PLEKHS1: variants seen among roughly 807,000 people sequenced by gnomAD.
PLEKHS1 encodes pleckstrin homology domain-containing family S member 1.
A neutral mutation model predicts 51.0 loss-of-function variants in PLEKHS1; 55 were observed. The ratio of observed to expected loss-of-function variants is 1.08; its 90% confidence interval spans 0.87 to 1.35. The LOEUF (loss-of-function observed/expected upper bound fraction) is 1.35. Among genes scored for constraint, PLEKHS1 ranks in the 40% most tolerant of loss-of-function variants. The probability of loss-of-function intolerance (pLI) is 0.00; values close to 1 mark genes in which losing one functional copy is unlikely to be tolerated. For missense variants in PLEKHS1, 398 were observed against 423.0 expected, an observed-to-expected ratio of 0.94 and a Z score of 0.52; for synonymous variants, 153 against 144.8, an observed-to-expected ratio of 1.06 and a Z score of -0.41.
At chr10:113,775,974 C>CA in intron 11 of PLEKHS1, 108 bp downstream of exon 11, 1 of 775,768 alleles carries the variant, frequency 1.3e-6, no homozygotes, top group Non-Finnish European at 2.0e-6. Flanking sequence ...AGGTTTGGGG[C>CA]GGGGGAGCTT....
In PLEKHS1 at chr10:113,765,235, T is replaced by C. The variant is rs182913165; in HGVS notation, c.29-1176T>C. The C allele has an allele frequency of 1.3e-3, 697 of 526,436 alleles. 8 individuals carry two copies. The East Asian group carries it at 0.017, about 13-fold the overall frequency. 32.6% of individuals were successfully genotyped at this position (526,436 alleles called of 1,614,324 possible). A position where few individuals can be genotyped will look rare whatever the true frequency, so the allele number is the denominator to read the frequency against. ...AAATTTTTTGGGAACAACTTTCTTC[T>C]AAGTCTTTCATGATTTTTTAGGTGG... On this transcript the variant is annotated intron_variant, in intron 2 of 11. Transcript: ENST00000361048.
At chr10:113,780,224 A>C (rs1844824841) in intron 11 of PLEKHS1, among the ~76,000 whole-genome samples, 1 of 152,126 alleles carries the variant, frequency 6.6e-6, no homozygotes, top group Admixed American at 6.5e-5. Context: ...GTTGCAGGAG[A>C]AACTGATCAA....
chr10:113,765,430 G>A (rs1844118661), intron 2 of PLEKHS1: 1 of 778,732 alleles, frequency 1.3e-6, no homozygotes, highest in Middle Eastern at 2.3e-4. Context: ...GTATTTTAAT[G>A]GTTCTTTCTC....
intron 11 of PLEKHS1, 38 bp downstream of exon 11, chr10:113,775,904 G>T (rs770494594): frequency 6.9e-7 from 1 of 1,458,224 alleles, no homozygotes; most frequent in Admixed American, 1.8e-5. Flanking sequence ...TTATAAATGG[G>T]GCTGGAAGCT....
intron 11 of PLEKHS1, 118 bp from the exon 12 acceptor site, chr10:113,777,006 G>A: frequency 1.7e-6 from 2 of 1,159,322 alleles, no homozygotes; most frequent in Admixed American, 2.3e-5. Flanking sequence ...CTAAACAGAA[G>A]GAGATAGTCT....
At chr10:113,774,887 C>T (rs1196129138) in exon 10 of PLEKHS1, 1 of 1,614,140 alleles carries the variant, frequency 6.2e-7, no homozygotes, top group Non-Finnish European at 8.5e-7. Context: ...CCAGACCCTT[C>T]CAGAGACCCA....
chr10:113,757,983 G>T (rs1364200537), intron 2 of PLEKHS1, among the ~76,000 whole-genome samples: 2 of 152,094 alleles, frequency 1.3e-5, no homozygotes, highest in African/African-American at 4.8e-5. Flanking sequence ...ACATCTTCAG[G>T]GTTCACTTCT....
exon 12 of PLEKHS1, chr10:113,780,973 T>C (rs1184052140): frequency 8.4e-6 from 5 of 594,524 alleles, no homozygotes; most frequent in African/African-American, 1.9e-5. Context: ...TGTGGCATGA[T>C]TGGAGAACCT....
At chr10:113,768,794 A>G in intron 5 of PLEKHS1, 21 bp from the exon 6 acceptor site, 1 of 1,602,304 alleles carries the variant, frequency 6.2e-7, no homozygotes, top group African/African-American at 1.3e-5. Flanking sequence ...ATGCCAACTG[A>G]AAGTTTATTC....
intron 1 of PLEKHS1, among the ~76,000 whole-genome samples, chr10:113,754,717 C>T (rs576561998): frequency 2.0e-5 from 3 of 152,116 alleles, no homozygotes; most frequent in East Asian, 1.9e-4. Flanking sequence ...AACTCCTGAC[C>T]TCATGATCTA....
chr10:113,778,708 A>C (rs1266054717), intron 11 of PLEKHS1, among the ~76,000 whole-genome samples: 3 of 147,956 alleles, frequency 2.0e-5, no homozygotes, highest in Non-Finnish European at 3.0e-5. Flanking sequence ...CAGTGGCGCA[A>C]ACTCGGCTCA....
At chr10:113,766,643 CAAAGGCTGGGGA>C in exon 4 of PLEKHS1, 1 of 1,611,996 alleles carries the variant, frequency 6.2e-7, no homozygotes. Context: ...TTCATCCTGT[CAAAGGCTGGGGA>C]AAAGAGCTTT....
At chr10:113,768,204 G>C (rs555971328) in intron 5 of PLEKHS1, among the ~76,000 whole-genome samples, 63 of 152,260 alleles carry the variant, frequency 4.1e-4, no homozygotes, top group Non-Finnish European at 1.3e-4. Context: ...GTAGTCTGCA[G>C]TTTTTAAGAG....
At chr10:113,763,815 AAT>A (rs1265645655) in intron 2 of PLEKHS1, among the ~76,000 whole-genome samples, 2 of 152,180 alleles carry the variant, frequency 1.3e-5, no homozygotes, top group African/African-American at 4.8e-5. Flanking sequence ...TTGTTCAGTT[AAT>A]GTTTTAATGT....
intron 2 of PLEKHS1, among the ~76,000 whole-genome samples, chr10:113,759,483 G>C (rs7082737): frequency 0.18 from 28,028 of 152,128 alleles, 2,711 homozygotes; most frequent in East Asian, 0.29. Context: ...TTCTCTCACT[G>C]TAAGTTTGTT....
At chr10:113,781,927 G>A (rs1452915834) in exon 12 of PLEKHS1, 3 of 152,236 alleles carry the variant, frequency 2.0e-5, no homozygotes, top group East Asian at 3.9e-4. Context: ...ACTCAGCAAC[G>A]ATTTTAGAAG....
intron 2 of PLEKHS1, among the ~76,000 whole-genome samples, chr10:113,762,125 T>A (rs1564818286): frequency 1.3e-5 from 2 of 152,018 alleles, no homozygotes; most frequent in Admixed American, 6.5e-5. Flanking sequence ...TTCTTTATTA[T>A]CCTTTTAATA....
intron 11 of PLEKHS1, chr10:113,777,633 T>A: frequency 6.5e-7 from 1 of 1,538,654 alleles, no homozygotes; most frequent in Non-Finnish European, 8.8e-7. Flanking sequence ...TGTTGGATAA[T>A]TAAATGAGGT....
At chr10:113,774,996 C>T (rs752790882) in exon 10 of PLEKHS1, 20 of 1,614,012 alleles carry the variant, frequency 1.2e-5, no homozygotes, top group South Asian at 2.2e-5. Flanking sequence ...CAAAAGGGGT[C>T]GGCCTCACTA....
Sources: allele counts gnomAD v4.1 joint callset (sites outside exome capture counted in the v4.1 genomes callset), GRCh38; gene constraint gnomAD v4.1.1; transcripts MANE v1.5; gene names NCBI Gene and HGNC (gene_info 2026-07-23, HGNC 2026-07-21).